Variants in DTWD1 observed in about 807,000 individuals in gnomAD.
DTWD1 encodes the protein DTW motif tRNA-uridine aminocarboxypropyltransferase 1.
Under a neutral mutation model 30.2 loss-of-function variants are expected in DTWD1, and 27 were observed. The ratio of observed to expected loss-of-function variants is 0.90; its 90% CI spans 0.66 to 1.23. The LOEUF (loss-of-function observed/expected upper bound fraction) is 1.23. Among genes scored for constraint, DTWD1 ranks in the 50% most tolerant of loss-of-function variants. The probability of loss-of-function intolerance (pLI) is 0.00; values close to 1 mark genes in which losing one functional copy is unlikely to be tolerated. For synonymous variants in DTWD1, 99 were observed against 113.1 expected (o/e 0.88, Z 0.79); for missense variants, 342 against 348.8 (o/e 0.98, Z 0.15).
At chr15:49,627,381 C>A (rs2078857620) in intron 2 of DTWD1, among the ~76,000 whole-genome samples, 1 of 152,036 alleles carries the variant, frequency 6.6e-6, no homozygotes, top group Non-Finnish European at 1.5e-5. Flanking sequence ...TTTTAGATAG[C>A]CTACTTGGGA....
chr15:49,642,486 C>T (rs2079076992), intron 4 of DTWD1, among the ~76,000 whole-genome samples: 1 of 152,094 alleles, frequency 6.6e-6, no homozygotes, highest in East Asian at 1.9e-4. Flanking sequence ...AACAAGCAAA[C>T]AAAAGAAACC....
At chr15:49,636,881 T>C (rs985614153) in intron 4 of DTWD1, among the ~76,000 whole-genome samples, 6 of 152,180 alleles carry the variant, frequency 3.9e-5, no homozygotes, top group African/African-American at 1.4e-4. Context: ...ATTAAAGTGG[T>C]GATTACCCCA....
rs758908640 is a variant in DTWD1 at position 49,634,714 on chromosome 15, G to T, written c.587G>T (p.Gly196Val). 23 of 1,610,540 alleles carry T rather than the reference G, an allele frequency of 1.4e-5. No homozygotes were observed. The highest frequency in any genetic ancestry group is 2.0e-5 in the Non-Finnish European group (23 of 1,178,452). ...FCDLNDSKCK[G>V]TTLKKIIFID... ...GATTTGAATGACAGCAAGTGCAAAG[G>T]CACAACACTGAAAAAAATTATATTT... Residue 196 changes from glycine to valine, a missense_variant, in exon 4 of 5, where the codon GGC (glycine) becomes GTC (valine). Transcript: ENST00000403028.
intron 4 of DTWD1, among the ~76,000 whole-genome samples, chr15:49,640,884 T>G (rs954227592): frequency 8.1e-4 from 123 of 152,086 alleles, no homozygotes; most frequent in South Asian, 1.0e-3. Context: ...AAAAAACTTT[T>G]AGTGTGGAAT....
intron 2 of DTWD1, among the ~76,000 whole-genome samples, chr15:49,626,329 T>C (rs2078844231): frequency 1.3e-5 from 2 of 152,186 alleles, no homozygotes; most frequent in African/African-American, 4.8e-5. Context: ...TTGACCAAAA[T>C]GAAAATAAAG....
In DTWD1 at chr15:49,646,652, T is replaced by C. The variant is rs986473912; in HGVS notation, c.*3074T>C. The stretch of plus-strand genomic sequence containing the variant: ...GTAAATTGCTCTTCTTCTGATGGAC[T>C]GTATAGAGACACTGTTTTTCATCTT... On this transcript the variant is annotated 3_prime_UTR_variant, in exon 5 of 5. Coordinates refer to ENST00000403028, the MANE Select transcript of DTWD1 (RefSeq NM_001144955.2). The C allele has an allele frequency of 1.3e-5, 2 of 152,212 alleles. No homozygotes were observed. Among genetic ancestry groups the C allele is most frequent in the African/African-American group, 4.8e-5 (2 of 41,460 alleles). The allele number at this position is 152,212 out of a possible 1,614,324, so 9.4% of individuals were successfully genotyped here.
chr15:49,652,570 T>C lies in DTWD1; in HGVS notation c.*8992T>C, dbSNP rs1301717790. 2 of 131,266 alleles carry C rather than the reference T, an allele frequency of 1.5e-5. No individual in the cohort carries two copies. Among genetic ancestry groups the C allele is most frequent in the African/African-American group, 4.1e-5 (1 of 24,158 alleles). 8.1% of individuals were successfully genotyped at this position (131,266 alleles called of 1,614,324 possible). On this transcript the variant is annotated 3_prime_UTR_variant, in exon 5 of 5. Coordinates refer to ENST00000403028, the MANE Select transcript of DTWD1 (RefSeq NM_001144955.2). ...AGCAGAGGCTGAGGGAAATCTAGAA[T>C]TGATAGTGGAGGATGAGGGGATGTG... is the stretch of plus-strand genomic sequence containing the variant.
Position 49,625,004 on chromosome 15 carries a change from G to C in DTWD1, c.-55-109G>C, listed in dbSNP as rs2078821188. 3 of 681,672 alleles carry C rather than the reference G, an allele frequency of 4.4e-6. No individual in the cohort carries two copies. In the East Asian group the frequency reaches 8.2e-5, roughly 19 times the overall value. The allele number at this position is 681,672 out of a possible 1,614,324, so 42.2% of individuals were successfully genotyped here. A position where few individuals can be genotyped will look rare whatever the true frequency, so the allele number is the denominator to read the frequency against. On this transcript the variant is annotated intron_variant, in intron 1 of 4. Coordinates refer to ENST00000403028, the MANE Select transcript of DTWD1 (RefSeq NM_001144955.2). ...TGGTGGTTTAAAACATGTTTAATAA[G>C]TACTAAAACAGCACACAATTGTGAC...
chr15:49,621,333 T>A (rs1013237228), intron 1 of DTWD1: 8 of 152,136 alleles, frequency 5.3e-5, no homozygotes, highest in Non-Finnish European at 1.0e-4. Context: ...GAAAAAGGTT[T>A]CCAAATTTTT....
chr15:49,650,704 GT>G lies in DTWD1; in HGVS notation c.*7127del, dbSNP rs1450359157. ...TCTCAGGGCAGCCCTCAGTGGAGATGTAAGGCCTTGCTACTTCAGCCTCATT... is the reference window on the plus strand; with the variant it reads ...TCTCAGGGCAGCCCTCAGTGGAGATGAAGGCCTTGCTACTTCAGCCTCATT... On this transcript the variant is annotated 3_prime_UTR_variant, in exon 5 of 5. Transcript: ENST00000403028. 38 of 152,290 alleles carry G rather than the reference GT, an allele frequency of 2.5e-4. No homozygotes were observed. Among genetic ancestry groups the G allele is most frequent in the African/African-American group, 8.7e-4 (36 of 41,554 alleles). 9.4% of individuals were successfully genotyped at this position (152,290 alleles called of 1,614,324 possible). A position where few individuals can be genotyped will look rare whatever the true frequency, so the allele number is the denominator to read the frequency against.
Position 49,637,240 on chromosome 15 carries a change from A to G in DTWD1, c.667+2446A>G, listed in dbSNP as rs147118643. ...TATAATAAATTATAGTGTAGCATCA[A>G]TAAAGATGCTAATCTTTTTGATAAT... On this transcript the variant is annotated intron_variant, in intron 4 of 4. Coordinates refer to ENST00000403028, the MANE Select transcript of DTWD1 (RefSeq NM_001144955.2). 1.2e-3 allele frequency among the ~76,000 whole-genome samples: 177 copies of G among 152,230 alleles called. 1 individual carries two copies. In the East Asian group the frequency reaches 0.033, roughly 29 times the overall value.
chr15:49,633,069 A>ATATATATATATG (rs2078951789), intron 3 of DTWD1, among the ~76,000 whole-genome samples: 1 of 145,994 alleles, frequency 6.8e-6, no homozygotes, highest in Non-Finnish European at 1.5e-5. Context: ...ATATATATAT[A>ATATATATATATG]TGTATTTTTT....
In DTWD1 at chr15:49,655,935, C is replaced by T. The variant is rs1014408954; in HGVS notation, c.*12357C>T. 1 of 152,020 alleles carries T rather than the reference C, an allele frequency of 6.6e-6. No homozygotes were observed. Among genetic ancestry groups the T allele is most frequent in the Non-Finnish European group, 1.5e-5 (1 of 67,984 alleles). The allele number at this position is 152,020 out of a possible 1,614,324, so 9.4% of individuals were successfully genotyped here. A position where few individuals can be genotyped will look rare whatever the true frequency, so the allele number is the denominator to read the frequency against. Reference sequence around the variant, plus strand: ...CATAAAAATCTTTGAAAAATTAATACTACATTTTAGTATGAATATAAGTTA... The same window carrying T: ...CATAAAAATCTTTGAAAAATTAATATTACATTTTAGTATGAATATAAGTTA... On this transcript the variant is annotated 3_prime_UTR_variant, in exon 5 of 5. Transcript: ENST00000403028.
chr15:49,629,052 G>A (rs1231486787), intron 2 of DTWD1, among the ~76,000 whole-genome samples: 1 of 151,900 alleles, frequency 6.6e-6, no homozygotes, highest in Non-Finnish European at 1.5e-5. Context: ...TGTTCTCCTT[G>A]TTCAACTCCC....
rs999651009 is a variant in DTWD1 at position 49,656,221 on chromosome 15, A to G, written c.*12643A>G. On this transcript the variant is annotated 3_prime_UTR_variant, in exon 5 of 5. Coordinates refer to ENST00000403028, the MANE Select transcript of DTWD1 (RefSeq NM_001144955.2). ...TGCTGTAAATTAAATAAAAATTCAA[A>G]TATTTGTAAAAGAATATTTCTTTCT... The G allele has an allele frequency of 1.3e-5, 2 of 152,102 alleles. No individual in the cohort carries two copies. The allele number at this position is 152,102 out of a possible 1,614,324, so 9.4% of individuals were successfully genotyped here. A position where few individuals can be genotyped will look rare whatever the true frequency, so the allele number is the denominator to read the frequency against.
intron 3 of DTWD1, among the ~76,000 whole-genome samples, chr15:49,633,049 C>CTATCTATATATATATATATATATATA (rs2078947255): frequency 8.5e-6 from 1 of 117,314 alleles, no homozygotes; most frequent in Non-Finnish European, 1.7e-5. Flanking sequence ...ATATCTATAT[C>CTATCTATATATATATATATATATATA]TATATATATA....
intron 2 of DTWD1, among the ~76,000 whole-genome samples, chr15:49,627,676 A>G (rs1047929803): frequency 6.6e-6 from 1 of 152,310 alleles, no homozygotes; most frequent in Middle Eastern, 3.4e-3. Flanking sequence ...TGTACACACA[A>G]TGGTATTAGT....
In DTWD1 at chr15:49,638,975, T is replaced by G. The variant is rs138847128; in HGVS notation, c.667+4181T>G. On this transcript the variant is annotated intron_variant, in intron 4 of 4. Transcript: ENST00000403028. ...GTTGGATGTGAGTCCAAATTATATT[T>G]AAATGGCATTATACTGTAATTGGTT... Among the ~76,000 whole-genome samples, 394 of 152,326 alleles carry G rather than the reference T, an allele frequency of 2.6e-3. 1 individual carries two copies. Among genetic ancestry groups the G allele is most frequent in the African/African-American group, 8.9e-3 (372 of 41,578 alleles).
Position 49,655,316 on chromosome 15 carries a change from A to G in DTWD1, c.*11738A>G, listed in dbSNP as rs1019519692. On this transcript the variant is annotated 3_prime_UTR_variant, in exon 5 of 5. Transcript: ENST00000403028. ...TAATTAAGTTTTGGGGTGGTTTATT[A>G]CATAGCAATTGATAACTGATACAAC... 2.0e-5 allele frequency: 3 copies of G among 152,104 alleles called. No homozygotes were observed. The highest frequency in any genetic ancestry group is 4.8e-5 in the African/African-American group (2 of 41,452). 9.4% of individuals were successfully genotyped at this position (152,104 alleles called of 1,614,324 possible). A position where few individuals can be genotyped will look rare whatever the true frequency, so the allele number is the denominator to read the frequency against.
Sources: gnomAD v4.1 joint callset for allele counts (sites outside exome capture counted in the v4.1 genomes callset) on GRCh38, gnomAD v4.1.1 for gene constraint, MANE v1.5 for transcripts, NCBI Gene and HGNC (gene_info 2026-07-23, HGNC 2026-07-21) for gene names.